Variants in MAP2K1 observed in about 807,000 individuals in gnomAD.
MAP2K1 encodes mitogen-activated protein kinase kinase 1, also known as dual specificity mitogen-activated protein kinase kinase 1.
Under a neutral mutation model 46.3 loss-of-function variants are expected in MAP2K1, and 16 were observed. That is an observed-to-expected ratio of 0.35 (90% CI 0.23 to 0.52). MAP2K1 has a LOEUF of 0.52. MAP2K1 is among the 20% of genes least tolerant of loss of function. The pLI, the probability that MAP2K1 is intolerant of heterozygous loss-of-function variation, is 0.94. For synonymous variants in MAP2K1, 183 were observed against 185.6 expected (o/e 0.99, Z 0.11); for missense variants, 263 against 497.1 (o/e 0.53, Z 4.48).
intron 1 of MAP2K1, among the ~76,000 whole-genome samples, chr15:66,405,676 T>C (rs1479556904): frequency 1.3e-5 from 2 of 152,216 alleles, no homozygotes; most frequent in South Asian, 2.1e-4. Context: ...ATGGAGTGAC[T>C]CCGCTACTCT....
chr15:66,462,825 T>C lies in MAP2K1; in HGVS notation c.568+18118T>C, dbSNP rs1892360889. Among the ~76,000 whole-genome samples, 3 of 152,174 alleles carry C rather than the reference T, an allele frequency of 2.0e-5. No homozygotes were observed. The South Asian group carries it at 6.2e-4, about 31-fold the overall frequency. On this transcript the variant is annotated intron_variant, in intron 5 of 10. Transcript: ENST00000307102. ...AGCCAGTGTAAACACAACAGGGGAC[T>C]TCCTTATAGGGATCCAGGGGGCCCT...
At chr15:66,447,805 C>T (rs1891912553) in intron 5 of MAP2K1, among the ~76,000 whole-genome samples, 1 of 152,014 alleles carries the variant, frequency 6.6e-6, no homozygotes, top group South Asian at 2.1e-4. Context: ...CAGCCATCAC[C>T]ACCATCCATC....
At chr15:66,404,951 A>G (rs999926741) in intron 1 of MAP2K1, among the ~76,000 whole-genome samples, 1 of 152,182 alleles carries the variant, frequency 6.6e-6, no homozygotes, top group African/African-American at 2.4e-5. Context: ...ATAAGAATTG[A>G]TCCTACTGCA....
intron 5 of MAP2K1, among the ~76,000 whole-genome samples, chr15:66,480,194 T>G (rs886575222): frequency 1.3e-5 from 2 of 152,150 alleles, no homozygotes; most frequent in African/African-American, 4.8e-5. Flanking sequence ...GTTCAAGTGA[T>G]TCCCCTGCCT....
rs755542317 is a variant in MAP2K1, at chr15:66,481,890, A to C, written c.693+11A>C. On this transcript the variant is annotated intron_variant, in intron 6 of 10. Transcript: ENST00000307102. ...AGGTCCTACATGTCGGTATGAACAGAAGTTTCCATTGCTTGAGCTTCTTGT... is the reference window on the plus strand; with the variant it reads ...AGGTCCTACATGTCGGTATGAACAGCAGTTTCCATTGCTTGAGCTTCTTGT... The C allele has an allele frequency of 6.2e-7, 1 of 1,613,112 alleles. No individual in the cohort carries two copies. Among genetic ancestry groups the C allele is most frequent in the East Asian group, 2.2e-5 (1 of 44,846 alleles).
At chr15:66,466,596 C>T (rs1425748735) in intron 5 of MAP2K1, among the ~76,000 whole-genome samples, 2 of 152,160 alleles carry the variant, frequency 1.3e-5, no homozygotes, top group Non-Finnish European at 2.9e-5. Flanking sequence ...CCAAGAATCA[C>T]TTGAACCCTG....
At chr15:66,455,452 A>C (rs560502312) in intron 5 of MAP2K1, among the ~76,000 whole-genome samples, 55 of 152,350 alleles carry the variant, frequency 3.6e-4, no homozygotes, top group South Asian at 8.3e-4. Context: ...TATGTCAGTG[A>C]TTTAAAGGTA....
chr15:66,458,711 C>T (rs527291799), intron 5 of MAP2K1, among the ~76,000 whole-genome samples: 6 of 152,230 alleles, frequency 3.9e-5, no homozygotes, highest in South Asian at 2.1e-4. Context: ...TCTAGAGATG[C>T]GGTCTCTCTC....
intron 5 of MAP2K1, among the ~76,000 whole-genome samples, chr15:66,446,219 A>G (rs953832225): frequency 2.0e-5 from 3 of 151,826 alleles, no homozygotes. Context: ...ACTCCGTCTC[A>G]AAACAAACAA....
intron 1 of MAP2K1, among the ~76,000 whole-genome samples, chr15:66,430,002 C>T (rs891058066): frequency 6.6e-6 from 1 of 152,138 alleles, no homozygotes; most frequent in Admixed American, 6.5e-5. Context: ...CAACTTTTCC[C>T]TTCCCTCCTC....
At chr15:66,489,887 G>A in intron 10 of MAP2K1, 124 bp downstream of exon 10, 1 of 867,934 alleles carries the variant, frequency 1.2e-6, no homozygotes, top group Non-Finnish European at 2.0e-6. Flanking sequence ...GCTGAGCCTG[G>A]GGCTGCAGAA....
intron 5 of MAP2K1, among the ~76,000 whole-genome samples, chr15:66,445,428 AAAAG>A (rs544169506): frequency 2.0e-5 from 3 of 152,188 alleles, no homozygotes; most frequent in Admixed American, 1.3e-4. Flanking sequence ...ACACATTAAA[AAAAG>A]AAAGAAACTG....
At chr15:66,389,032 G>A (rs1301057681) in intron 1 of MAP2K1, among the ~76,000 whole-genome samples, 1 of 148,660 alleles carries the variant, frequency 6.7e-6, no homozygotes, top group Non-Finnish European at 1.5e-5. Flanking sequence ...TCAGCCTCCC[G>A]AGTAGCTGGG....
At chr15:66,388,904 C>CTTTTTTTTTTTTTTTTTTTTTTTTTTTTT (rs72328500) in intron 1 of MAP2K1, among the ~76,000 whole-genome samples, 1 of 111,952 alleles carries the variant, frequency 8.9e-6, no homozygotes, top group Non-Finnish European at 1.8e-5. Flanking sequence ...AACATTTGTT[C>CTTTTTTTTTTTTTTTTTTTTTTTTTTTTT]TTTTTTTTTT....
intron 1 of MAP2K1, among the ~76,000 whole-genome samples, chr15:66,423,513 C>G (rs113578210): frequency 8.6e-5 from 13 of 150,428 alleles, no homozygotes; most frequent in African/African-American, 3.2e-4. Flanking sequence ...AATCTTGGTT[C>G]ACTGCAACCT....
Position 66,490,573 on chromosome 15 carries a change from C to T in MAP2K1, c.1140C>T (p.Gly380=), listed in dbSNP as rs1278357327. ...DFAGWLCSTI[G]LNQPSTPTHA... ...CAGGTTGGCTCTGCTCCACCATCGG[C>T]CTTAACCAGCCCAGCACACCAACCC... The change falls in exon 11 of 11, where the codon GGC becomes GGT. Residue 380 remains glycine, a synonymous_variant. Coordinates refer to ENST00000307102, the MANE Select transcript of MAP2K1 (RefSeq NM_002755.4). 1 of 1,614,174 alleles carries T rather than the reference C, an allele frequency of 6.2e-7. No homozygotes were observed. The highest frequency in any genetic ancestry group is 8.5e-7 in the Non-Finnish European group (1 of 1,180,024).
intron 3 of MAP2K1, among the ~76,000 whole-genome samples, chr15:66,438,778 G>A (rs1340943977): frequency 5.3e-5 from 8 of 152,198 alleles, no homozygotes; most frequent in Non-Finnish European, 1.2e-4. Context: ...CACAGTGTCT[G>A]GCACCTGTTA....
chr15:66,397,255 G>C lies in MAP2K1; in HGVS notation c.80+9828G>C, dbSNP rs1048586574. Among the ~76,000 whole-genome samples, 4 of 151,804 alleles carry C rather than the reference G, an allele frequency of 2.6e-5. No homozygotes were observed. In the South Asian group the frequency reaches 8.3e-4, roughly 32 times the overall value. ...CCTGACCTCGTGATCCGCCTGCCTC[G>C]GCCTCCCAAAGTGCTGGGATTACAG... On this transcript the variant is annotated intron_variant, in intron 1 of 10. Transcript: ENST00000307102.
intron 5 of MAP2K1, among the ~76,000 whole-genome samples, chr15:66,463,161 G>T (rs1252280733): frequency 6.6e-6 from 1 of 152,180 alleles, no homozygotes; most frequent in Non-Finnish European, 1.5e-5. Flanking sequence ...GTGAAGGGAG[G>T]TAATTAGGGG....
Sources: allele counts gnomAD v4.1 joint callset (sites outside exome capture counted in the v4.1 genomes callset), GRCh38; gene constraint gnomAD v4.1.1; transcripts MANE v1.5; gene names NCBI Gene and HGNC (gene_info 2026-07-23, HGNC 2026-07-21).